PXDC1: variants seen among roughly 807,000 people sequenced by gnomAD.
PXDC1 encodes PX domain-containing protein 1.
PXDC1 carries 13 observed loss-of-function variants against 24.4 expected under a neutral mutation model. The ratio of observed to expected loss-of-function variants is 0.53; its 90% CI spans 0.35 to 0.85. The LOEUF (loss-of-function observed/expected upper bound fraction) is 0.85. Ranked by LOEUF, PXDC1 falls within the 40% of genes least tolerant of loss-of-function variation. The probability of loss-of-function intolerance (pLI) is 0.01; values close to 1 mark genes in which losing one functional copy is unlikely to be tolerated. For synonymous variants in PXDC1, 162 were observed against 124.9 expected, an observed-to-expected ratio of 1.30 and a Z score of -1.98; for missense variants, 344 against 309.3, an observed-to-expected ratio of 1.11 and a Z score of -0.84.
intron 1 of PXDC1, among the ~76,000 whole-genome samples, chr6:3,747,266 C>A (rs1414371160): frequency 1.3e-5 from 2 of 152,060 alleles, no homozygotes; most frequent in East Asian, 3.9e-4. Context: ...CCTTGCAGTG[C>A]CCCTGTGGCT....
intron 3 of PXDC1, among the ~76,000 whole-genome samples, chr6:3,734,789 A>G (rs902267008): frequency 6.6e-6 from 1 of 152,136 alleles, no homozygotes; most frequent in Non-Finnish European, 1.5e-5. Context: ...GAATAGAAAA[A>G]AAAATCAATC....
intron 3 of PXDC1, among the ~76,000 whole-genome samples, chr6:3,729,523 A>G (rs1051020779): frequency 3.3e-5 from 5 of 152,216 alleles, no homozygotes; most frequent in Admixed American, 6.5e-5. Context: ...GAGCTCTGCG[A>G]AGCAAAGAGG....
Position 3,751,699 on chromosome 6 carries a change from G to T in PXDC1, c.-168C>A. On this transcript the variant is annotated 5_prime_UTR_variant, in exon 1 of 5. Coordinates refer to ENST00000380283, the MANE Select transcript of PXDC1 (RefSeq NM_183373.4). ...TGGCCCGCGTTCGGGGCAGCGGGGCGGCGCGGCGGCGAGTGGCTCGGGCCG... is the reference window on the plus strand; with the variant it reads ...TGGCCCGCGTTCGGGGCAGCGGGGCTGCGCGGCGGCGAGTGGCTCGGGCCG... 1 of 1,046,210 alleles carries T rather than the reference G, an allele frequency of 9.6e-7. No homozygotes were observed. The highest frequency in any genetic ancestry group is 4.6e-5 in the South Asian group (1 of 21,506). The allele number at this position is 1,046,210 out of a possible 1,614,324, so 64.8% of individuals were successfully genotyped here. A position where few individuals can be genotyped will look rare whatever the true frequency, so the allele number is the denominator to read the frequency against.
In PXDC1 at chr6:3,751,324, C is replaced by T. The variant is rs1345473725; in HGVS notation, c.208G>A (p.Ala70Thr). 4 of 1,549,652 alleles carry T rather than the reference C, an allele frequency of 2.6e-6. No homozygotes were observed. Among genetic ancestry groups the T allele is most frequent in the African/African-American group, 2.8e-5 (2 of 72,232 alleles). ...LGRLWQRLRD[A>T]FPEDRSELAQ... ...AGTTCGGACCGGTCCTCGGGAAAGG[C>T]GTCGCGCAGGCGCTGCCACAGGCGG... Residue 70 changes from alanine to threonine, a missense_variant, in exon 1 of 5, where the codon GCC (alanine) becomes ACC (threonine). By Grantham distance (58) the Ala-to-Thr change is moderately conservative. Coordinates refer to ENST00000380283, the MANE Select transcript of PXDC1 (RefSeq NM_183373.4).
At position 3,751,222 on chromosome 6, in the gene PXDC1, T is replaced by A. The variant is rs189686942; in HGVS notation, c.256+54A>T. On this transcript the variant is annotated intron_variant, in intron 1 of 4. Coordinates refer to ENST00000380283, the MANE Select transcript of PXDC1 (RefSeq NM_183373.4). ...TGAAGTCTCTTCCCCGCCTCCTTCG[T>A]GCACTTCAAGGCTGCCTCGGCCCCG... is the stretch of plus-strand genomic sequence containing the variant. The A allele has an allele frequency of 9.3e-4, 1,216 of 1,301,414 alleles. 11 individuals carry two copies. The African/African-American group carries it at 0.017, about 18-fold the overall frequency. The allele number at this position is 1,301,414 out of a possible 1,614,324, so 80.6% of individuals were successfully genotyped here.
intron 1 of PXDC1, chr6:3,738,683 C>T: frequency 1.1e-6 from 1 of 916,946 alleles, no homozygotes; most frequent in Non-Finnish European, 1.5e-6. Context: ...CTGGACAAAA[C>T]CAAAGTGGAC....
chr6:3,743,411 A>ATTGTG (rs1760493062), intron 1 of PXDC1, among the ~76,000 whole-genome samples: 1 of 152,090 alleles, frequency 6.6e-6, no homozygotes, highest in Non-Finnish European at 1.5e-5. Context: ...CATTTAACAA[A>ATTGTG]TGTGCCCATC....
intron 1 of PXDC1, among the ~76,000 whole-genome samples, chr6:3,747,557 C>T (rs1760599024): frequency 6.6e-6 from 1 of 152,188 alleles, no homozygotes; most frequent in African/African-American, 2.4e-5. Flanking sequence ...GCCTTTGCAC[C>T]TGCTCTTCCA....
At chr6:3,747,946 G>T (rs1185488204) in intron 1 of PXDC1, among the ~76,000 whole-genome samples, 1 of 152,182 alleles carries the variant, frequency 6.6e-6, no homozygotes, top group Non-Finnish European at 1.5e-5. Flanking sequence ...TACTAAGAAT[G>T]AAAGATCACC....
intron 1 of PXDC1, among the ~76,000 whole-genome samples, chr6:3,746,401 A>C (rs930770374): frequency 1.3e-5 from 2 of 152,236 alleles, no homozygotes; most frequent in African/African-American, 2.4e-5. Context: ...GGCCGCGTGA[A>C]GGTGGGTGGC....
intron 3 of PXDC1, among the ~76,000 whole-genome samples, chr6:3,730,993 G>A (rs1760182939): frequency 2.0e-5 from 3 of 152,192 alleles, no homozygotes; most frequent in African/African-American, 7.2e-5. Context: ...AGGCCATTGT[G>A]CAGACTAACT....
intron 1 of PXDC1, among the ~76,000 whole-genome samples, chr6:3,745,639 T>C (rs1055249646): frequency 6.6e-6 from 1 of 151,956 alleles, no homozygotes; most frequent in Non-Finnish European, 1.5e-5. Flanking sequence ...GCCTGACCCC[T>C]CTCACTGTAA....
intron 4 of PXDC1, among the ~76,000 whole-genome samples, chr6:3,723,994 T>C (rs1366635508): frequency 6.6e-6 from 1 of 152,204 alleles, no homozygotes; most frequent in Non-Finnish European, 1.5e-5. Flanking sequence ...CATGGAGTGC[T>C]GATTTTCACC....
intron 1 of PXDC1, among the ~76,000 whole-genome samples, chr6:3,744,106 T>C (rs1225637556): frequency 1.3e-5 from 2 of 152,216 alleles, no homozygotes; most frequent in Admixed American, 6.5e-5. Context: ...TAATCCTGCC[T>C]TCTCTAGGCT....
chr6:3,727,596 G>A lies in PXDC1; in HGVS notation c.533C>T (p.Pro178Leu). ...GCCCAGCTGCTGGTCTCTTCCATTT[G>A]GTATACTGTGGTCAATAACTATTGT... ...TETIVIDHSI[P>L]NGRDQQLGVD... The change falls in exon 4 of 5, where the codon CCA becomes CTA. Residue 178 changes from proline to leucine, a missense_variant. Physicochemically the swap from Pro to Leu is moderately conservative, Grantham distance 98. Transcript: ENST00000380283. 1 of 1,613,492 alleles carries A rather than the reference G, an allele frequency of 6.2e-7. No individual in the cohort carries two copies. Among genetic ancestry groups the A allele is most frequent in the Non-Finnish European group, 8.5e-7 (1 of 1,179,436 alleles).
Position 3,724,046 on chromosome 6 carries a change from C to A in PXDC1, c.579-310G>T, listed in dbSNP as rs1482017870. Among the ~76,000 whole-genome samples the A allele has an allele frequency of 6.6e-6, 1 of 152,224 alleles. No homozygotes were observed. The highest frequency in any genetic ancestry group is 1.5e-5 in the Non-Finnish European group (1 of 68,038). ...GCACCGCGTCAGGCTGTGGGATCAG[C>A]AGTGAACAAGGCAGGCAGGGTCTGT... is the stretch of plus-strand genomic sequence containing the variant. On this transcript the variant is annotated intron_variant, in intron 4 of 4. Transcript: ENST00000380283. The surrounding 1 kb of genome is among the most constrained non-coding windows in gnomAD (Gnocchi z 4.5).
At chr6:3,736,389 G>T (rs1488663843) in intron 3 of PXDC1, among the ~76,000 whole-genome samples, 2 of 152,092 alleles carry the variant, frequency 1.3e-5, no homozygotes. Context: ...CTGTCCACCA[G>T]GCAAGATCGC....
chr6:3,730,500 A>C (rs1760171445), intron 3 of PXDC1, among the ~76,000 whole-genome samples: 1 of 152,104 alleles, frequency 6.6e-6, no homozygotes, highest in Non-Finnish European at 1.5e-5. Context: ...TAGAAATTAG[A>C]ACACGTCCAC....
chr6:3,729,713 A>T (rs557389934), intron 3 of PXDC1, among the ~76,000 whole-genome samples: 103 of 152,266 alleles, frequency 6.8e-4, no homozygotes, highest in Middle Eastern at 3.4e-3. Context: ...CACTGCCTTT[A>T]TTGTTTTTAT....
Sources: gnomAD v4.1 joint callset for allele counts (sites outside exome capture counted in the v4.1 genomes callset) on GRCh38, gnomAD v4.1.1 for gene constraint, Gnocchi (gnomAD v3.1) non-coding constraint, MANE v1.5 for transcripts, NCBI Gene and HGNC (gene_info 2026-07-23, HGNC 2026-07-21) for gene names.